KCNQ3: variants seen among roughly 807,000 people sequenced by gnomAD.
KCNQ3 encodes potassium voltage-gated channel subfamily KQT member 3.
A neutral mutation model predicts 92.5 loss-of-function variants in KCNQ3; 30 were observed. That is an observed-to-expected ratio of 0.32 (90% CI 0.24 to 0.44). KCNQ3 has a LOEUF of 0.44. Ranked by LOEUF, KCNQ3 falls within the 20% of genes least tolerant of loss-of-function variation. KCNQ3 has a pLI of 1.00. For synonymous variants in KCNQ3, 450 were observed against 468.8 expected (o/e 0.96, Z 0.52); for missense variants, 913 against 1,140.3 (o/e 0.80, Z 2.87).
At chr8:132,305,583 G>A (rs1817392421) in intron 1 of KCNQ3, among the ~76,000 whole-genome samples, 1 of 152,126 alleles carries the variant, frequency 6.6e-6, no homozygotes. Context: ...GCAACCACAG[G>A]AGCCAGGAGA....
At chr8:132,442,320 G>A (rs1470973203) in intron 1 of KCNQ3, among the ~76,000 whole-genome samples, 1 of 152,194 alleles carries the variant, frequency 6.6e-6, no homozygotes, top group East Asian at 1.9e-4. Context: ...TGTCCCAGGA[G>A]TATAAATCCC....
chr8:132,312,014 G>A (rs1817607956), intron 1 of KCNQ3, among the ~76,000 whole-genome samples: 1 of 152,118 alleles, frequency 6.6e-6, no homozygotes, highest in Non-Finnish European at 1.5e-5. Context: ...GAAGATGGGG[G>A]CAGAGATGGA....
chr8:132,402,835 GT>G (rs1820374388), intron 1 of KCNQ3, among the ~76,000 whole-genome samples: 1 of 151,832 alleles, frequency 6.6e-6, no homozygotes, highest in African/African-American at 2.4e-5. Context: ...GGCCAACATG[GT>G]GAAACCCCAT....
chr8:132,462,447 A>G (rs201784559), intron 1 of KCNQ3, among the ~76,000 whole-genome samples: 2 of 152,162 alleles, frequency 1.3e-5, no homozygotes, highest in African/African-American at 4.8e-5. Flanking sequence ...CTCGGCCTCC[A>G]AAAGTGCTGA....
chr8:132,303,058 G>A (rs1438057794), intron 1 of KCNQ3, among the ~76,000 whole-genome samples: 4 of 152,154 alleles, frequency 2.6e-5, no homozygotes, highest in African/African-American at 9.6e-5. Context: ...CAGAGCTATT[G>A]ATCATGCAAG....
chr8:132,396,827 G>C (rs1027063145), intron 1 of KCNQ3, among the ~76,000 whole-genome samples: 1 of 152,150 alleles, frequency 6.6e-6, no homozygotes, highest in Non-Finnish European at 1.5e-5. Context: ...GTTCTTAGAA[G>C]AAGTCAGAGA....
At chr8:132,431,515 C>T (rs938998461) in intron 1 of KCNQ3, among the ~76,000 whole-genome samples, 1 of 152,192 alleles carries the variant, frequency 6.6e-6, no homozygotes, top group African/African-American at 2.4e-5. Context: ...GAGCTCAGAG[C>T]TCAGCGGGAG....
At chr8:132,288,799 T>C (rs929538834) in intron 1 of KCNQ3, among the ~76,000 whole-genome samples, 2 of 152,206 alleles carry the variant, frequency 1.3e-5, no homozygotes, top group African/African-American at 4.8e-5. Flanking sequence ...GCATTGTCCC[T>C]GACCCACTCT....
At position 132,447,723 on chromosome 8, in the gene KCNQ3, G is replaced by T. The variant is rs117362666; in HGVS notation, c.386+32424C>A. On this transcript the variant is annotated intron_variant, in intron 1 of 14. Coordinates refer to ENST00000388996, the MANE Select transcript of KCNQ3 (RefSeq NM_004519.4). ...CCACCAGGAGTTCTAAGGACAGAAA[G>T]AACGAGACTGCCTCTGGGGAAGGGG... Among the ~76,000 whole-genome samples, 1,419 of 152,332 alleles carry T rather than the reference G, an allele frequency of 9.3e-3. 13 individuals are homozygous for T. The highest frequency in any genetic ancestry group is 0.027 in the Middle Eastern group (8 of 294).
intron 1 of KCNQ3, among the ~76,000 whole-genome samples, chr8:132,413,889 C>T (rs1391487226): frequency 2.0e-5 from 3 of 152,228 alleles, no homozygotes; most frequent in African/African-American, 7.2e-5. Context: ...TTCTCACCCG[C>T]ACGCCCACCC....
chr8:132,199,702 G>T (rs1366328730), intron 1 of KCNQ3, among the ~76,000 whole-genome samples: 1 of 152,182 alleles, frequency 6.6e-6, no homozygotes, highest in Non-Finnish European at 1.5e-5. Context: ...CTGAGGTCAG[G>T]AGTTCGACAC....
intron 9 of KCNQ3, among the ~76,000 whole-genome samples, chr8:132,154,087 C>G (rs1825718747): frequency 6.6e-6 from 1 of 151,774 alleles, no homozygotes; most frequent in Non-Finnish European, 1.5e-5. Flanking sequence ...CAGATGGATC[C>G]TCCAAACTGG....
At chr8:132,195,642 C>T (rs1827280072) in intron 1 of KCNQ3, among the ~76,000 whole-genome samples, 1 of 152,160 alleles carries the variant, frequency 6.6e-6, no homozygotes, top group Admixed American at 6.5e-5. Flanking sequence ...CAGCTATGGG[C>T]TCCTCATATC....
At chr8:132,181,994 G>A (rs111853174) in intron 3 of KCNQ3, among the ~76,000 whole-genome samples, 8,142 of 149,676 alleles carry the variant, frequency 0.054, 318 homozygotes, top group South Asian at 0.11. Flanking sequence ...GCAGTGAGCC[G>A]AGATCGTGCC....
intron 1 of KCNQ3, among the ~76,000 whole-genome samples, chr8:132,222,763 G>A (rs556229453): frequency 1.3e-5 from 2 of 152,350 alleles, no homozygotes; most frequent in East Asian, 1.9e-4. Flanking sequence ...GTTTCATAGC[G>A]TGGGACACAC....
chr8:132,242,405 C>T (rs1314678459), intron 1 of KCNQ3, among the ~76,000 whole-genome samples: 2 of 152,116 alleles, frequency 1.3e-5, no homozygotes. Flanking sequence ...ATTAAAACGG[C>T]TTCAAAAGAT....
Position 132,470,125 on chromosome 8 carries a change from C to G in KCNQ3, c.386+10022G>C, listed in dbSNP as rs573016174. ...GAACTATGCTCATCTCCCTCAACAG[C>G]CTGGCACAAGGTTTGGCAACAGGGT... is the stretch of plus-strand genomic sequence containing the variant. On this transcript the variant is annotated intron_variant, in intron 1 of 14. Transcript: ENST00000388996. 1.4e-3 allele frequency among the ~76,000 whole-genome samples: 218 copies of G among 152,212 alleles called. 2 individuals carry two copies. Among genetic ancestry groups the G allele is most frequent in the African/African-American group, 4.6e-3 (193 of 41,538 alleles).
chr8:132,228,047 A>G (rs1814490262), intron 1 of KCNQ3, among the ~76,000 whole-genome samples: 1 of 152,154 alleles, frequency 6.6e-6, no homozygotes, highest in African/African-American at 2.4e-5. Flanking sequence ...ACAGTAAATA[A>G]CTTGCTTTTG....
chr8:132,398,424 T>C (rs1428708274), intron 1 of KCNQ3, among the ~76,000 whole-genome samples: 1 of 152,212 alleles, frequency 6.6e-6, no homozygotes, highest in Admixed American at 6.5e-5. Flanking sequence ...CTGGCTTTTA[T>C]TTTTAAGTGG....
Sources: gnomAD v4.1 joint callset for allele counts (sites outside exome capture counted in the v4.1 genomes callset) on GRCh38, gnomAD v4.1.1 for gene constraint, MANE v1.5 for transcripts, NCBI Gene and HGNC (gene_info 2026-07-23, HGNC 2026-07-21) for gene names.